CNKSR3: variants seen among roughly 807,000 people sequenced by gnomAD.
CNKSR3 encodes the protein connector enhancer of kinase suppressor of ras 3.
A neutral mutation model predicts 67.7 loss-of-function variants in CNKSR3; 36 were observed. The observed-to-expected ratio is 0.53, with a 90% CI of 0.41 to 0.70. The LOEUF (loss-of-function observed/expected upper bound fraction) is 0.70, where lower values mean the gene tolerates loss of function less well. Ranked by LOEUF, CNKSR3 falls within the 30% of genes least tolerant of loss-of-function variation. The pLI is 0.00. For missense variants in CNKSR3, 630 were observed against 695.2 expected, an observed-to-expected ratio of 0.91 and a Z score of 1.05; for synonymous variants, 281 against 271.4, an observed-to-expected ratio of 1.04 and a Z score of -0.35.
chr6:154,494,350 A>G (rs1786837845), intron 1 of CNKSR3, among the ~76,000 whole-genome samples: 1 of 151,942 alleles, frequency 6.6e-6, no homozygotes, highest in African/African-American at 2.4e-5. Context: ...TGATTCAATA[A>G]CCTCTCACCA....
At chr6:154,495,396 G>T (rs1786857576) in intron 1 of CNKSR3, among the ~76,000 whole-genome samples, 1 of 148,818 alleles carries the variant, frequency 6.7e-6, no homozygotes. Context: ...ATAGCTTTTG[G>T]GCTTTTCTGT....
intron 7 of CNKSR3, among the ~76,000 whole-genome samples, chr6:154,424,648 A>G (rs998700491): frequency 3.3e-5 from 5 of 152,216 alleles, no homozygotes; most frequent in African/African-American, 4.8e-5. Context: ...TAGGCCTCAT[A>G]CAAGGCCCTG....
chr6:154,498,967 G>A lies in CNKSR3; in HGVS notation c.52+11096C>T, dbSNP rs964469135. ...GGGGTTACATTCTGCTCCCCTATTCGAGTCAGGTCTGGAAATTCCACATGA... is the reference window on the plus strand; with the variant it reads ...GGGGTTACATTCTGCTCCCCTATTCAAGTCAGGTCTGGAAATTCCACATGA... On this transcript the variant is annotated intron_variant, in intron 1 of 12. Coordinates refer to ENST00000607772, the MANE Select transcript of CNKSR3 (RefSeq NM_173515.4). Among the ~76,000 whole-genome samples, 3 of 152,124 alleles carry A rather than the reference G, an allele frequency of 2.0e-5. No individual in the cohort carries two copies. The East Asian group carries it at 5.8e-4, about 29-fold the overall frequency.
Position 154,403,801 on chromosome 6 carries a change from G to A in CNKSR3, c.*2553C>T, listed in dbSNP as rs1208265358. 2 of 152,058 alleles carry A rather than the reference G, an allele frequency of 1.3e-5. No homozygotes were observed. Among genetic ancestry groups the A allele is most frequent in the African/African-American group, 2.4e-5 (1 of 41,388 alleles). 9.4% of individuals were successfully genotyped at this position (152,058 alleles called of 1,614,324 possible). ...CTGCCTATAATGAAGACTGACTGCCGAATATTCACTTAAAGGATGGCTGTT... is the reference window on the plus strand; with the variant it reads ...CTGCCTATAATGAAGACTGACTGCCAAATATTCACTTAAAGGATGGCTGTT... On this transcript the variant is annotated 3_prime_UTR_variant, in exon 13 of 13. Coordinates refer to ENST00000607772, the MANE Select transcript of CNKSR3 (RefSeq NM_173515.4).
At chr6:154,494,796 C>T (rs1786846195) in intron 1 of CNKSR3, among the ~76,000 whole-genome samples, 1 of 152,138 alleles carries the variant, frequency 6.6e-6, no homozygotes, top group South Asian at 2.1e-4. Context: ...CCTTGGCAAC[C>T]CTAAGGAGGC....
At chr6:154,437,465 G>A (rs1202598651) in intron 4 of CNKSR3, among the ~76,000 whole-genome samples, 2 of 147,468 alleles carry the variant, frequency 1.4e-5, no homozygotes, top group Non-Finnish European at 1.5e-5. Context: ...CCACGCTGGA[G>A]TGAAGTGGCG....
chr6:154,454,104 C>CACACACACACACACACACAG (rs1268729108), intron 1 of CNKSR3, among the ~76,000 whole-genome samples: 6 of 116,290 alleles, frequency 5.2e-5, no homozygotes, highest in African/African-American at 2.1e-4. Flanking sequence ...CACACACACA[C>CACACACACACACACACACAG]AGAGAGAGAG....
At chr6:154,502,575 G>A (rs1383143824) in intron 1 of CNKSR3, among the ~76,000 whole-genome samples, 1 of 152,134 alleles carries the variant, frequency 6.6e-6, no homozygotes, top group East Asian at 1.9e-4. Flanking sequence ...CAGGACCACA[G>A]AACAGAAGCC....
At chr6:154,415,227 CATTT>C (rs1487842627) in intron 9 of CNKSR3, among the ~76,000 whole-genome samples, 43 of 112,792 alleles carry the variant, frequency 3.8e-4, no homozygotes, top group Admixed American at 2.8e-3. Context: ...ACTAGCTGCC[CATTT>C]TTTTTTTTTT....
intron 9 of CNKSR3, 116 bp downstream of exon 9, chr6:154,422,390 T>C (rs1785163876): frequency 1.4e-5 from 13 of 956,468 alleles, no homozygotes; most frequent in Non-Finnish European, 1.9e-5. Context: ...TATAGGATAA[T>C]TACATACAAA....
chr6:154,485,475 T>C (rs1786648645), intron 1 of CNKSR3, among the ~76,000 whole-genome samples: 1 of 152,192 alleles, frequency 6.6e-6, no homozygotes, highest in African/African-American at 2.4e-5. Context: ...GGCTCAAAGA[T>C]GCCTTACAAA....
intron 1 of CNKSR3, among the ~76,000 whole-genome samples, chr6:154,481,690 G>A (rs1039408642): frequency 6.6e-6 from 1 of 152,160 alleles, no homozygotes; most frequent in Non-Finnish European, 1.5e-5. Context: ...GAGACCTGAT[G>A]ACCAGGTTCT....
rs554303311 is a variant in CNKSR3 at position 154,388,155 on chromosome 6, T to G, written c.*18199A>C. 1 of 152,346 alleles carries G rather than the reference T, an allele frequency of 6.6e-6. No homozygotes were observed. Among genetic ancestry groups the G allele is most frequent in the Admixed American group, 6.5e-5 (1 of 15,302 alleles). 9.4% of individuals were successfully genotyped at this position (152,346 alleles called of 1,614,324 possible). ...TGACTTCACTGAAACTTTATGCCTA[T>G]TGATTAGTAACTCCCCACTCCCCTC... On this transcript the variant is annotated 3_prime_UTR_variant, in exon 13 of 13. Coordinates refer to ENST00000607772, the MANE Select transcript of CNKSR3 (RefSeq NM_173515.4).
intron 1 of CNKSR3, among the ~76,000 whole-genome samples, chr6:154,486,413 C>T (rs960155289): frequency 2.6e-5 from 4 of 151,776 alleles, no homozygotes; most frequent in African/African-American, 9.7e-5. Context: ...TCTCCTGCCT[C>T]GGCCTCCTGG....
chr6:154,418,403 G>T (rs761519791), intron 9 of CNKSR3, among the ~76,000 whole-genome samples: 1 of 152,118 alleles, frequency 6.6e-6, no homozygotes, highest in Non-Finnish European at 1.5e-5. Context: ...GCCCTTCCCC[G>T]ATGGTGGTCT....
chr6:154,504,625 G>C (rs1787060717), intron 1 of CNKSR3, among the ~76,000 whole-genome samples: 1 of 152,180 alleles, frequency 6.6e-6, no homozygotes, highest in Admixed American at 6.5e-5. Context: ...CTACTAATTA[G>C]GGGACCCTGA....
chr6:154,467,168 C>T (rs181244783), intron 1 of CNKSR3, among the ~76,000 whole-genome samples: 1 of 152,054 alleles, frequency 6.6e-6, no homozygotes, highest in African/African-American at 2.4e-5. Context: ...ATGGAACCAC[C>T]GACCGCATCC....
At chr6:154,441,416 G>A in intron 3 of CNKSR3, 37 bp from the exon 4 acceptor site, 1 of 1,493,438 alleles carries the variant, frequency 6.7e-7, no homozygotes, top group East Asian at 2.3e-5. Flanking sequence ...AAAGGGGTAG[G>A]GAGAATCCAC....
At chr6:154,453,652 T>C (rs1785886863) in intron 1 of CNKSR3, among the ~76,000 whole-genome samples, 1 of 152,228 alleles carries the variant, frequency 6.6e-6, no homozygotes. Flanking sequence ...ATTATTCCAA[T>C]ACATTATGAC....
Sources: allele counts gnomAD v4.1 joint callset (sites outside exome capture counted in the v4.1 genomes callset), GRCh38; gene constraint gnomAD v4.1.1; transcripts MANE v1.5; gene names NCBI Gene and HGNC (gene_info 2026-07-23, HGNC 2026-07-21).